Variants in ABCC9 observed in about 807,000 individuals in gnomAD.
ABCC9 encodes ATP binding cassette subfamily C member 9, also known as ATP-binding cassette sub-family C member 9.
ABCC9 carries 95 observed loss-of-function variants against 188.3 expected under a neutral mutation model. That is an observed-to-expected ratio of 0.50 (90% confidence interval 0.43 to 0.60). The LOEUF (loss-of-function observed/expected upper bound fraction) is 0.60. ABCC9 is among the 20% of genes least tolerant of loss of function. The pLI, the probability that ABCC9 is intolerant of heterozygous loss-of-function variation, is 0.00. For missense variants in ABCC9, 1,102 were observed against 1,876.3 expected (o/e 0.59, Z 7.62); for synonymous variants, 659 against 652.7 (o/e 1.01, Z -0.15).
intron 39 of ABCC9, among the ~76,000 whole-genome samples, chr12:21,803,171 T>C (rs1205695371): frequency 1.3e-5 from 2 of 151,938 alleles, no homozygotes; most frequent in Admixed American, 6.6e-5. Flanking sequence ...TGCACACCCA[T>C]GCATTTAGAA....
chr12:21,895,925 T>G (rs1947381435), intron 12 of ABCC9, among the ~76,000 whole-genome samples: 1 of 152,082 alleles, frequency 6.6e-6, no homozygotes, highest in South Asian at 2.1e-4. Context: ...ATACTAGTGT[T>G]TGGAAGTAAC....
At chr12:21,908,609 A>G (rs1241187041) in intron 10 of ABCC9, among the ~76,000 whole-genome samples, 2 of 151,956 alleles carry the variant, frequency 1.3e-5, no homozygotes, top group Admixed American at 6.6e-5. Context: ...GACTTTCTAT[A>G]TTCTCTTGGA....
intron 12 of ABCC9, among the ~76,000 whole-genome samples, chr12:21,898,792 GA>G (rs1007588126): frequency 4.6e-5 from 7 of 152,188 alleles, no homozygotes; most frequent in African/African-American, 1.7e-4. Flanking sequence ...TACTTTGAGG[GA>G]AAAAACAATA....
intron 18 of ABCC9, among the ~76,000 whole-genome samples, chr12:21,866,000 G>T (rs1196238474): frequency 6.6e-6 from 1 of 151,034 alleles, no homozygotes; most frequent in Admixed American, 6.6e-5. Flanking sequence ...GCCACTTTTA[G>T]CAAATCAGAG....
intron 30 of ABCC9, among the ~76,000 whole-genome samples, chr12:21,831,946 T>C (rs912011671): frequency 6.6e-6 from 1 of 152,152 alleles, no homozygotes; most frequent in Non-Finnish European, 1.5e-5. Flanking sequence ...AGTTTTGGGA[T>C]ATTGTTTCAG....
At chr12:21,875,413 A>T (rs995262764) in intron 17 of ABCC9, among the ~76,000 whole-genome samples, 10 of 152,206 alleles carry the variant, frequency 6.6e-5, no homozygotes, top group African/African-American at 2.4e-4. Flanking sequence ...AAATTGCCCA[A>T]ATCAGCAAAT....
chr12:21,928,010 G>A (rs944032474), intron 4 of ABCC9, among the ~76,000 whole-genome samples: 8 of 151,864 alleles, frequency 5.3e-5, no homozygotes, highest in African/African-American at 9.7e-5. Flanking sequence ...ACTCGAGGCC[G>A]GGAGTTTGAA....
At position 21,915,658 on chromosome 12, in the gene ABCC9, G is replaced by A. The variant is rs559193279; in HGVS notation, c.816+10C>T. ...GTAATTAAGCACATGGAAGACAGAC[G>A]CTAAATCACCTTTTGTTCTTCATAT... On this transcript the variant is annotated intron_variant, in intron 7 of 39. Transcript: ENST00000261200. 19 of 1,611,096 alleles carry A rather than the reference G, an allele frequency of 1.2e-5. No homozygotes were observed. Among genetic ancestry groups the A allele is most frequent in the South Asian group, 7.7e-5 (7 of 90,906 alleles).
chr12:21,882,651 T>A (rs1946678637), intron 16 of ABCC9, 115 bp downstream of exon 16: 7 of 922,550 alleles, frequency 7.6e-6, no homozygotes, highest in Admixed American at 4.1e-5. Context: ...TTAGGGTTAA[T>A]GACAACTGTA....
chr12:21,827,071 G>A (rs1330279153), intron 31 of ABCC9: 2 of 968,728 alleles, frequency 2.1e-6, no homozygotes, highest in African/African-American at 3.5e-5. Context: ...AAGATACAGA[G>A]TCTATTATAT....
At chr12:21,878,990 T>C (rs1188828838) in intron 16 of ABCC9, among the ~76,000 whole-genome samples, 1 of 152,154 alleles carries the variant, frequency 6.6e-6, no homozygotes, top group Non-Finnish European at 1.5e-5. Context: ...CAAAGGATCA[T>C]GTAAGGATAG....
intron 16 of ABCC9, among the ~76,000 whole-genome samples, chr12:21,879,238 G>C (rs781247315): frequency 4.6e-5 from 7 of 152,188 alleles, no homozygotes; most frequent in South Asian, 2.1e-4. Flanking sequence ...AAGCACATTA[G>C]AGCTGGTTCT....
At chr12:21,841,961 C>G (rs1944415261) in intron 29 of ABCC9, among the ~76,000 whole-genome samples, 1 of 152,114 alleles carries the variant, frequency 6.6e-6, no homozygotes, top group Admixed American at 6.5e-5. Flanking sequence ...ACAATTGTCC[C>G]CATGGGGAAG....
At chr12:21,818,117 A>T (rs775926609) in intron 32 of ABCC9, 33 bp downstream of exon 32, 3 of 1,445,136 alleles carry the variant, frequency 2.1e-6, no homozygotes, top group Non-Finnish European at 2.9e-6. Context: ...GTGTTTGGTT[A>T]TCTGTTCCTG....
chr12:21,933,414 T>A (rs1169967338), intron 4 of ABCC9, among the ~76,000 whole-genome samples: 1 of 152,102 alleles, frequency 6.6e-6, no homozygotes, highest in East Asian at 1.9e-4. Flanking sequence ...CAAATCTTGA[T>A]TTTAAAAGTT....
intron 4 of ABCC9, among the ~76,000 whole-genome samples, chr12:21,928,346 A>AG (rs1167382957): frequency 6.1e-4 from 86 of 141,730 alleles, no homozygotes; most frequent in African/African-American, 2.4e-3. Context: ...GAAGGGAAGA[A>AG]AAAGAGAAAG....
At chr12:21,915,272 G>GTA (rs1481470393) in intron 7 of ABCC9, among the ~76,000 whole-genome samples, 16 of 14,100 alleles carry the variant, frequency 1.1e-3, no homozygotes, top group African/African-American at 2.0e-3. Context: ...TATATAATGT[G>GTA]TATATATATG....
chr12:21,801,817 C>T (rs1941450293), intron 39 of ABCC9, among the ~76,000 whole-genome samples: 1 of 152,160 alleles, frequency 6.6e-6, no homozygotes, highest in Admixed American at 6.5e-5. Context: ...ATATTAAGTT[C>T]TCCACACACA....
At position 21,828,937 on chromosome 12, in the gene ABCC9, G is replaced by A. The variant is rs756371249; in HGVS notation, c.3669+21C>T. 7.1e-5 allele frequency: 113 copies of A among 1,595,684 alleles called. No homozygotes were observed. The highest frequency in any genetic ancestry group is 1.7e-4 in the Middle Eastern group (1 of 6,044). ...GTCTTCTCTATTTGGTTTCCATTTCGAAATCATGAAATGAACGTACCGTCC... is the reference window on the plus strand; with the variant it reads ...GTCTTCTCTATTTGGTTTCCATTTCAAAATCATGAAATGAACGTACCGTCC... On this transcript the variant is annotated intron_variant, in intron 31 of 39. Transcript: ENST00000261200.
Sources: gnomAD v4.1 joint callset for allele counts (sites outside exome capture counted in the v4.1 genomes callset) on GRCh38, gnomAD v4.1.1 for gene constraint, MANE v1.5 for transcripts, NCBI Gene and HGNC (gene_info 2026-07-23, HGNC 2026-07-21) for gene names.